Variants in DNAJC3 observed in about 807,000 individuals in gnomAD.
DNAJC3 encodes the protein DnaJ heat shock protein family (Hsp40) member C3.
Under a neutral mutation model 68.6 loss-of-function variants are expected in DNAJC3, and 38 were observed. That is an observed-to-expected ratio of 0.55 (90% CI 0.43 to 0.73). DNAJC3 has a LOEUF of 0.73. DNAJC3 is among the 30% of genes least tolerant of loss of function. The probability of loss-of-function intolerance (pLI) is 0.00; values close to 1 mark genes in which losing one functional copy is unlikely to be tolerated. For synonymous variants in DNAJC3, 203 were observed against 204.0 expected (o/e 1.00, Z 0.04); for missense variants, 526 against 591.9 (o/e 0.89, Z 1.16).
Position 95,757,671 on chromosome 13 carries a change from GA to G in DNAJC3, c.425del (p.Lys142ArgfsTer8). ...VLKSNPSENE[E>X]KEAQSQLIKS... ...CAAATCTAATCCAAGTGAAAATGAAGAAAAGGAAGCACAGTCTCAACTTATA... is the reference window on the plus strand; with the variant it reads ...CAAATCTAATCCAAGTGAAAATGAAGAAAGGAAGCACAGTCTCAACTTATA... On this transcript the variant is annotated frameshift_variant, in exon 5 of 12. Transcript: ENST00000602402. LOFTEE classifies it high-confidence loss of function. 1.3e-6 allele frequency: 2 copies of G among 1,570,744 alleles called. No homozygotes were observed. The highest frequency in any genetic ancestry group is 1.7e-5 in the Admixed American group (1 of 59,214).
At position 95,773,929 on chromosome 13, in the gene DNAJC3, G is replaced by A. The variant is rs568472725; in HGVS notation, c.1075+9976G>A. Reference sequence around the variant, plus strand: ...TATTTTGTATTTTAGTAGAGACGGGGTTTCACCATGTTGGCCAGGATGGTC... The same window carrying A: ...TATTTTGTATTTTAGTAGAGACGGGATTTCACCATGTTGGCCAGGATGGTC... On this transcript the variant is annotated intron_variant, in intron 9 of 11. Coordinates refer to ENST00000602402, the MANE Select transcript of DNAJC3 (RefSeq NM_006260.5). Among the ~76,000 whole-genome samples, 3 of 151,782 alleles carry A rather than the reference G, an allele frequency of 2.0e-5. No individual in the cohort carries two copies. The East Asian group carries it at 5.8e-4, about 30-fold the overall frequency.
rs753339200 is a variant in DNAJC3 at position 95,757,763 on chromosome 13, T to C, written c.513T>C (p.Thr171=). ...ACGCTTTTGGAAGTGGAGATTATAC[T>C]GCTGCTATAGCCTTCCTTGATAAGA... ...ALNAFGSGDY[T]AAIAFLDKIL... The change falls in exon 5 of 12, where the codon ACT becomes ACC. Residue 171 remains threonine, a synonymous_variant. Coordinates refer to ENST00000602402, the MANE Select transcript of DNAJC3 (RefSeq NM_006260.5). 1.3e-6 allele frequency: 2 copies of C among 1,563,688 alleles called. No homozygotes were observed. The highest frequency in any genetic ancestry group is 1.8e-6 in the Non-Finnish European group (2 of 1,141,830).
At chr13:95,680,014 CTTTTGG>C (rs1879871727) in intron 1 of DNAJC3, among the ~76,000 whole-genome samples, 1 of 152,150 alleles carries the variant, frequency 6.6e-6, no homozygotes. Flanking sequence ...AAGTTTGAGT[CTTTTGG>C]CACCCTCCCT....
rs1593989610 is a variant in DNAJC3, at chr13:95,734,878, T to C, written c.393+9626T>C. On this transcript the variant is annotated intron_variant, in intron 4 of 11. Coordinates refer to ENST00000602402, the MANE Select transcript of DNAJC3 (RefSeq NM_006260.5). ...TACATGTGCACATTGTGCAGGTTAG[T>C]TACATATGTATACATGTGCCATGCT... Among the ~76,000 whole-genome samples, 3 of 151,080 alleles carry C rather than the reference T, an allele frequency of 2.0e-5. No individual in the cohort carries two copies. In the East Asian group the frequency reaches 5.9e-4, roughly 29 times the overall value.
rs1271306678 is a variant in DNAJC3, at chr13:95,790,911, G to C, written c.1396G>C (p.Asp466His). 2 of 1,606,808 alleles carry C rather than the reference G, an allele frequency of 1.2e-6. No homozygotes were observed. The highest frequency in any genetic ancestry group is 2.2e-5 in the South Asian group (2 of 89,144). ...GTTTGACGACGGAGAAGATCCTTTGGATGCAGAGAGCCAGCAAGGAGGCGG... is the reference window on the plus strand; with the variant it reads ...GTTTGACGACGGAGAAGATCCTTTGCATGCAGAGAGCCAGCAAGGAGGCGG... ...KKFDDGEDPL[D>H]AESQQGGGGN... Residue 466 changes from aspartate (D) to histidine (H), a missense_variant, in exon 12 of 12, where the codon GAT (aspartate) becomes CAT (histidine). Coordinates refer to ENST00000602402, the MANE Select transcript of DNAJC3 (RefSeq NM_006260.5).
chr13:95,710,671 GTTTTGTTTTGT>G (rs145719775), intron 2 of DNAJC3, among the ~76,000 whole-genome samples: 2,520 of 151,630 alleles, frequency 0.017, 74 homozygotes, highest in African/African-American at 0.058. Flanking sequence ...GTTTTGTTTT[GTTTTGTTTTGT>G]TTTTGTTTTT....
At chr13:95,722,677 C>A (rs1881360736) in intron 2 of DNAJC3, among the ~76,000 whole-genome samples, 2 of 150,986 alleles carry the variant, frequency 1.3e-5, no homozygotes, top group Non-Finnish European at 3.0e-5. Flanking sequence ...TCTCAGAAGG[C>A]TGAGGTGGCG....
At chr13:95,681,536 G>A (rs1227348709) in intron 1 of DNAJC3, among the ~76,000 whole-genome samples, 1 of 151,868 alleles carries the variant, frequency 6.6e-6, no homozygotes, top group Admixed American at 6.6e-5. Flanking sequence ...AAAATTTTTT[G>A]TAGGGACAGG....
chr13:95,688,279 C>G (rs1249724189), intron 1 of DNAJC3, among the ~76,000 whole-genome samples: 2 of 152,076 alleles, frequency 1.3e-5, no homozygotes, highest in Non-Finnish European at 2.9e-5. Flanking sequence ...TTTCTCTTGC[C>G]TGATTGCTCT....
At chr13:95,764,394 T>TAC (rs1216324303) in intron 9 of DNAJC3, among the ~76,000 whole-genome samples, 1 of 147,422 alleles carries the variant, frequency 6.8e-6, no homozygotes, top group Non-Finnish European at 1.5e-5. Flanking sequence ...TATATATATA[T>TAC]ACTCGGTGTG....
At chr13:95,780,734 A>T (rs1883426747) in intron 9 of DNAJC3, among the ~76,000 whole-genome samples, 1 of 152,206 alleles carries the variant, frequency 6.6e-6, no homozygotes, top group Non-Finnish European at 1.5e-5. Flanking sequence ...GATATACTAT[A>T]TTCTTTCAAA....
At chr13:95,717,261 T>C (rs9525044) in intron 2 of DNAJC3, among the ~76,000 whole-genome samples, 4,356 of 152,362 alleles carry the variant, frequency 0.029, 104 homozygotes, top group Non-Finnish European at 0.047. Flanking sequence ...ATAGTTTTGC[T>C]GAATCCAAAA....
intron 2 of DNAJC3, among the ~76,000 whole-genome samples, chr13:95,718,108 G>T (rs1881209943): frequency 6.6e-6 from 1 of 152,190 alleles, no homozygotes; most frequent in Admixed American, 6.5e-5. Flanking sequence ...ATAAGGATTT[G>T]AATTATGTGG....
chr13:95,754,904 G>T, intron 4 of DNAJC3, among the ~76,000 whole-genome samples: 1 of 152,214 alleles, frequency 6.6e-6, no homozygotes, highest in South Asian at 2.1e-4. Context: ...TAGCTATTAC[G>T]GGTTATTTTT....
At chr13:95,787,310 C>G (rs986216979) in intron 11 of DNAJC3, among the ~76,000 whole-genome samples, 155 bp downstream of exon 11, 2 of 152,132 alleles carry the variant, frequency 1.3e-5, no homozygotes, top group Admixed American at 1.3e-4. Context: ...CTCATTCAGC[C>G]CTCTTATGTT....
chr13:95,715,582 A>G (rs1213087145), intron 2 of DNAJC3, among the ~76,000 whole-genome samples: 1 of 151,472 alleles, frequency 6.6e-6, no homozygotes, highest in Non-Finnish European at 1.5e-5. Context: ...CCTGGGTTCA[A>G]GCGATTCTGC....
chr13:95,757,450 T>G (rs569953848), intron 4 of DNAJC3, among the ~76,000 whole-genome samples, 194 bp from the exon 5 acceptor site: 48 of 152,298 alleles, frequency 3.2e-4, no homozygotes, highest in Non-Finnish European at 5.7e-4. Flanking sequence ...TTGTTCATGC[T>G]CATGGACCAT....
intron 1 of DNAJC3, among the ~76,000 whole-genome samples, chr13:95,682,423 C>G (rs1439919902): frequency 6.6e-6 from 1 of 152,068 alleles, no homozygotes; most frequent in Admixed American, 6.6e-5. Context: ...CTCCTTTAGT[C>G]TGGTTCTTCC....
At chr13:95,681,561 C>G (rs1879911859) in intron 1 of DNAJC3, among the ~76,000 whole-genome samples, 1 of 151,914 alleles carries the variant, frequency 6.6e-6, no homozygotes, top group Non-Finnish European at 1.5e-5. Context: ...TCTATGTTGC[C>G]CAGGCTGGTC....
Sources: gnomAD v4.1 joint callset for allele counts (sites outside exome capture counted in the v4.1 genomes callset) on GRCh38, gnomAD v4.1.1 for gene constraint, MANE v1.5 for transcripts, NCBI Gene and HGNC (gene_info 2026-07-23, HGNC 2026-07-21) for gene names.